Variants in SLC28A1 observed in about 807,000 individuals in gnomAD.
SLC28A1 encodes the protein solute carrier family 28 member 1, also known as sodium/nucleoside cotransporter 1.
Under a neutral mutation model 74.8 loss-of-function variants are expected in SLC28A1, and 64 were observed. The ratio of observed to expected loss-of-function variants is 0.86; its 90% confidence interval spans 0.70 to 1.05. The LOEUF (loss-of-function observed/expected upper bound fraction) is 1.05, where lower values mean the gene tolerates loss of function less well. Ranked by LOEUF, SLC28A1 falls within the 50% of genes least tolerant of loss-of-function variation. The pLI, the probability that SLC28A1 is intolerant of heterozygous loss-of-function variation, is 0.00. For synonymous variants in SLC28A1, 359 were observed against 335.0 expected, an observed-to-expected ratio of 1.07 and a Z score of -0.78; for missense variants, 828 against 822.8, an observed-to-expected ratio of 1.01 and a Z score of -0.08.
intron 9 of SLC28A1, among the ~76,000 whole-genome samples, chr15:84,915,873 GTTC>G (rs1237050851): frequency 2.0e-5 from 3 of 152,090 alleles, no homozygotes; most frequent in Non-Finnish European, 4.4e-5. Flanking sequence ...CTTAGCTCCT[GTTC>G]TTCTCACTCA....
chr15:84,973,736 A>G, the SLC28A1 span, among the ~76,000 whole-genome samples: 1 of 152,184 alleles, frequency 6.6e-6, no homozygotes, highest in Admixed American at 6.5e-5. Context: ...TGCTTCCTGC[A>G]CCAGATTATG....
chr15:84,972,656 TA>T, the SLC28A1 span, among the ~76,000 whole-genome samples: 4 of 152,208 alleles, frequency 2.6e-5, no homozygotes, highest in African/African-American at 9.6e-5. Context: ...TGTACCCTTC[TA>T]GGGGTAGCCA....
chr15:84,917,545 A>T (rs1969286041), intron 9 of SLC28A1, among the ~76,000 whole-genome samples: 1 of 152,116 alleles, frequency 6.6e-6, no homozygotes, highest in African/African-American at 2.4e-5. Flanking sequence ...AGTAGCTGGG[A>T]CTATAGACAT....
chr15:84,955,428 G>A, the SLC28A1 span, among the ~76,000 whole-genome samples: 1,960 of 152,324 alleles, frequency 0.013, 44 homozygotes, highest in African/African-American at 0.044. Flanking sequence ...ACTGAGGAAC[G>A]CTTTGCATCA....
At chr15:84,903,176 G>A (rs771735427) in intron 6 of SLC28A1, among the ~76,000 whole-genome samples, 1 of 152,244 alleles carries the variant, frequency 6.6e-6, no homozygotes, top group African/African-American at 2.4e-5. Context: ...AAAGCAGTAG[G>A]CTCTGGAATT....
At chr15:84,893,123 A>G (rs1307773299) in intron 5 of SLC28A1, among the ~76,000 whole-genome samples, 3 of 144,756 alleles carry the variant, frequency 2.1e-5, no homozygotes, top group Non-Finnish European at 4.5e-5. Context: ...CCTGAGGCGC[A>G]CAGACCTTCT....
intron 6 of SLC28A1, among the ~76,000 whole-genome samples, chr15:84,896,197 C>G (rs975612821): frequency 1.3e-5 from 2 of 152,166 alleles, no homozygotes; most frequent in African/African-American, 4.8e-5. Flanking sequence ...GAAAAGACAA[C>G]TCACGGAATG....
chr15:84,895,261 C>G, intron 6 of SLC28A1, 138 bp downstream of exon 6: 1 of 1,570,290 alleles, frequency 6.4e-7, no homozygotes, highest in South Asian at 1.1e-5. Flanking sequence ...AGGGCAGGAG[C>G]CAGTGGGTGG....
the SLC28A1 span, among the ~76,000 whole-genome samples, chr15:84,964,352 G>A: frequency 6.6e-6 from 1 of 152,142 alleles, no homozygotes; most frequent in South Asian, 2.1e-4. Flanking sequence ...ATTGAAGGAA[G>A]ATTGCCCACT....
chr15:84,970,507 A>G, the SLC28A1 span, among the ~76,000 whole-genome samples: 2 of 152,104 alleles, frequency 1.3e-5, no homozygotes, highest in Admixed American at 1.3e-4. Context: ...TGGACAGAAA[A>G]CGAACTGTGT....
intron 8 of SLC28A1, 82 bp from the exon 9 acceptor site, chr15:84,908,633 CCCG>C: frequency 8.3e-7 from 1 of 1,197,934 alleles, no homozygotes; most frequent in Non-Finnish European, 1.2e-6. Flanking sequence ...CCTGGGCCAA[CCCG>C]CCTGTCTCTG....
downstream of SLC28A1, among the ~76,000 whole-genome samples, chr15:84,949,131 C>T (rs59735956): frequency 0.034 from 5,242 of 152,264 alleles, 292 homozygotes; most frequent in African/African-American, 0.12. Context: ...GAGCCAGGCA[C>T]CCTTAGTTCT....
At chr15:84,886,145 CA>C (rs1964575267) in intron 1 of SLC28A1, 1 of 985,344 alleles carries the variant, frequency 1.0e-6, no homozygotes, top group Non-Finnish European at 1.2e-6. Flanking sequence ...ATTCATTTAA[CA>C]AAGATGAAAT....
the SLC28A1 span, among the ~76,000 whole-genome samples, chr15:84,966,446 C>A: frequency 6.6e-6 from 1 of 152,160 alleles, no homozygotes. Context: ...CAGGTCACTG[C>A]AGCCTCGAAT....
In SLC28A1 at chr15:84,945,117, C is replaced by G. The variant is rs17222414; in HGVS notation, c.1875-8C>G. The G allele has an allele frequency of 1.3e-3, 2,103 of 1,614,014 alleles. 20 individuals carry two copies. The African/African-American group carries it at 0.019, about 14-fold the overall frequency. The stretch of plus-strand genomic sequence containing the variant: ...GAGCTCCCACTGCGATCTTTGCTTT[C>G]TTTTTAGCGTCAATCCAGAGTTCAG... On this transcript the variant is annotated splice_region_variant and splice_polypyrimidine_tract_variant and intron_variant, in intron 18 of 18. Transcript: ENST00000394573.
chr15:84,920,703 G>T (rs12900399), intron 10 of SLC28A1, among the ~76,000 whole-genome samples: 6,585 of 137,376 alleles, frequency 0.048, 317 homozygotes, highest in East Asian at 0.15. Context: ...ATCTCCAAGG[G>T]GTGTGTGTGT....
At chr15:84,962,863 C>T in the SLC28A1 span, among the ~76,000 whole-genome samples, 1 of 152,210 alleles carries the variant, frequency 6.6e-6, no homozygotes, top group African/African-American at 2.4e-5. Flanking sequence ...GAGGACATGG[C>T]TGCCTGGTAC....
At chr15:84,885,198 A>G (rs1226024715) in intron 1 of SLC28A1, among the ~76,000 whole-genome samples, 2 of 149,884 alleles carry the variant, frequency 1.3e-5, no homozygotes, top group East Asian at 2.0e-4. Context: ...GCTTCAAGTG[A>G]TCTGCCCACC....
chr15:84,974,960 A>G, the SLC28A1 span, among the ~76,000 whole-genome samples: 2 of 152,170 alleles, frequency 1.3e-5, no homozygotes, highest in Admixed American at 6.5e-5. Context: ...ACAGGGCATC[A>G]GGGTAGGGAT....
Sources: gnomAD v4.1 joint callset for allele counts (sites outside exome capture counted in the v4.1 genomes callset) on GRCh38, gnomAD v4.1.1 for gene constraint, MANE v1.5 for transcripts, NCBI Gene and HGNC (gene_info 2026-07-23, HGNC 2026-07-21) for gene names.